Variants in OR2L13 observed in about 807,000 individuals in gnomAD.
OR2L13 encodes olfactory receptor 2L13.
In OR2L13, 14 loss-of-function variants were observed where a neutral mutation model predicts 15.3. The ratio of observed to expected loss-of-function variants is 0.91; its 90% CI spans 0.60 to 1.43. The LOEUF is 1.43. Ranked by LOEUF, OR2L13 falls within the 40% of genes most tolerant of loss-of-function variation. The probability of loss-of-function intolerance (pLI) is 0.00; values close to 1 mark genes in which losing one functional copy is unlikely to be tolerated. For missense variants in OR2L13, 367 were observed against 387.9 expected (o/e 0.95, Z 0.45); for synonymous variants, 152 against 142.9 (o/e 1.06, Z -0.45).
chr1:248,015,183 C>G, the OR2L13 span, among the ~76,000 whole-genome samples: 1 of 152,148 alleles, frequency 6.6e-6, no homozygotes, highest in East Asian at 1.9e-4. Context: ...CCCTTCTCAA[C>G]AATTAAAAAT....
chr1:248,038,034 ATTG>A, the OR2L13 span: 1 of 396,636 alleles, frequency 2.5e-6, no homozygotes, highest in Non-Finnish European at 4.5e-6. Flanking sequence ...TATAGTTGTA[ATTG>A]TTCTATTTTA....
chr1:248,010,663 C>A, the OR2L13 span, among the ~76,000 whole-genome samples: 2 of 151,684 alleles, frequency 1.3e-5, no homozygotes, highest in African/African-American at 4.8e-5. Flanking sequence ...TGTATTGATC[C>A]CTTTACCACT....
At chr1:247,945,573 A>G in the OR2L13 span, among the ~76,000 whole-genome samples, 1 of 151,958 alleles carries the variant, frequency 6.6e-6, no homozygotes, top group African/African-American at 2.4e-5. Flanking sequence ...CTCTGGCTCA[A>G]GATCTAATAG....
At chr1:248,049,193 C>T in the OR2L13 span, among the ~76,000 whole-genome samples, 9 of 152,162 alleles carry the variant, frequency 5.9e-5, no homozygotes, top group African/African-American at 2.2e-4. Context: ...TCTTGTGATT[C>T]AGTTTTTCTT....
At chr1:247,991,009 A>C in the OR2L13 span, 1 of 1,520,404 alleles carries the variant, frequency 6.6e-7, no homozygotes, top group Admixed American at 1.7e-5. Context: ...CACTGTAGTG[A>C]CTTTCTACTA....
the OR2L13 span, among the ~76,000 whole-genome samples, chr1:248,072,928 A>G: frequency 6.6e-6 from 1 of 152,334 alleles, no homozygotes; most frequent in East Asian, 1.9e-4. Flanking sequence ...ACAATGAGAT[A>G]GCATCTCACA....
At chr1:248,042,428 T>C in the OR2L13 span, 3 of 151,774 alleles carry the variant, frequency 2.0e-5, no homozygotes, top group East Asian at 1.9e-4. Context: ...GTGGGTGCAG[T>C]GCAGCAGCAT....
At chr1:247,944,675 A>G in the OR2L13 span, among the ~76,000 whole-genome samples, 7 of 152,150 alleles carry the variant, frequency 4.6e-5, no homozygotes, top group Admixed American at 1.3e-4. Context: ...TCCATGGTGT[A>G]TACGTACCAC....
chr1:248,061,448 A>T, the OR2L13 span: 1 of 1,613,994 alleles, frequency 6.2e-7, no homozygotes, highest in Non-Finnish European at 8.5e-7. Flanking sequence ...CCTTTTGTCT[A>T]CACTTATCTA....
At chr1:247,948,712 A>C in the OR2L13 span, 1 of 630,748 alleles carries the variant, frequency 1.6e-6, no homozygotes, top group East Asian at 2.7e-5. Context: ...ATAGACAAAA[A>C]TAATAGTGTA....
chr1:248,046,409 C>T, the OR2L13 span, among the ~76,000 whole-genome samples: 91 of 152,246 alleles, frequency 6.0e-4, no homozygotes, highest in Middle Eastern at 6.8e-3. Context: ...TGAATGCAGA[C>T]GCATTGTTAC....
chr1:248,019,426 C>T, the OR2L13 span, among the ~76,000 whole-genome samples: 1 of 152,118 alleles, frequency 6.6e-6, no homozygotes, highest in Non-Finnish European at 1.5e-5. Context: ...CATCATAAAT[C>T]GAGAAGCCTC....
the OR2L13 span, among the ~76,000 whole-genome samples, chr1:248,035,267 G>A: frequency 1.3e-5 from 2 of 151,980 alleles, no homozygotes; most frequent in South Asian, 4.2e-4. Flanking sequence ...TGGCTAACAC[G>A]GTGAAACCCC....
chr1:248,057,607 A>G, the OR2L13 span, among the ~76,000 whole-genome samples: 17 of 152,146 alleles, frequency 1.1e-4, no homozygotes, highest in Admixed American at 1.3e-4. Flanking sequence ...TAACAGTATT[A>G]ACCCTTCCAA....
chr1:247,975,685 A>G, the OR2L13 span: 2 of 876,400 alleles, frequency 2.3e-6, no homozygotes, highest in Non-Finnish European at 3.7e-6. Context: ...TTAGAGTCCA[A>G]GCACTAGCCT....
At chr1:248,044,416 C>G in the OR2L13 span, among the ~76,000 whole-genome samples, 1 of 152,140 alleles carries the variant, frequency 6.6e-6, no homozygotes, top group African/African-American at 2.4e-5. Flanking sequence ...CAGGATGCAG[C>G]GTCTTCATCT....
At chr1:248,066,941 C>T in the OR2L13 span, among the ~76,000 whole-genome samples, 1 of 152,172 alleles carries the variant, frequency 6.6e-6, no homozygotes, top group East Asian at 1.9e-4. Context: ...ATTCAATAGA[C>T]TTTATTAAAA....
the OR2L13 span, among the ~76,000 whole-genome samples, chr1:248,036,516 A>G: frequency 6.6e-6 from 1 of 152,126 alleles, no homozygotes; most frequent in Admixed American, 6.5e-5. Flanking sequence ...ATTGATCCTT[A>G]AGTGAGTGTT....
chr1:248,061,617 G>A, the OR2L13 span: 5 of 1,610,268 alleles, frequency 3.1e-6, no homozygotes, highest in Non-Finnish European at 4.2e-6. Flanking sequence ...CTGGGAAAAT[G>A]TAGAAACATT....
Sources: gnomAD v4.1 joint callset for allele counts (sites outside exome capture counted in the v4.1 genomes callset) on GRCh38, gnomAD v4.1.1 for gene constraint, MANE v1.5 for transcripts, NCBI Gene and HGNC (gene_info 2026-07-23, HGNC 2026-07-21) for gene names.